Variants in ANKRD24 observed in about 807,000 individuals in gnomAD.
ANKRD24 encodes ankyrin repeat domain-containing protein 24.
Under a neutral mutation model 127.8 loss-of-function variants are expected in ANKRD24, and 109 were observed. The ratio of observed to expected loss-of-function variants is 0.85; its 90% confidence interval spans 0.73 to 1.00. The LOEUF (loss-of-function observed/expected upper bound fraction) is 1.00, where lower values mean the gene tolerates loss of function less well. Among genes scored for constraint, ANKRD24 ranks in the 50% least tolerant of loss-of-function variants. ANKRD24 has a pLI of 0.00. For missense variants in ANKRD24, 1,648 were observed against 1,570.2 expected, an observed-to-expected ratio of 1.05 and a Z score of -0.84; for synonymous variants, 743 against 671.1, an observed-to-expected ratio of 1.11 and a Z score of -1.66.
chr19:4,209,701 C>T (rs1969597364), intron 11 of ANKRD24, among the ~76,000 whole-genome samples: 1 of 152,130 alleles, frequency 6.6e-6, no homozygotes, highest in African/African-American at 2.4e-5. Context: ...GATCACCCAC[C>T]TTGGCCTCCC....
At chr19:4,220,604 G>T (rs1249065316) in intron 19 of ANKRD24, among the ~76,000 whole-genome samples, 1 of 152,096 alleles carries the variant, frequency 6.6e-6, no homozygotes, top group Non-Finnish European at 1.5e-5. Context: ...ACCCAGACTG[G>T]AGTGCAGTGG....
At chr19:4,191,324 C>T (rs924756863) in intron 2 of ANKRD24, among the ~76,000 whole-genome samples, 1 of 151,578 alleles carries the variant, frequency 6.6e-6, no homozygotes, top group Admixed American at 6.6e-5. Context: ...CAGGCCCCCC[C>T]CTCCTGTCAC....
At chr19:4,184,364 G>C (rs1365830119) in intron 1 of ANKRD24, among the ~76,000 whole-genome samples, 1 of 152,212 alleles carries the variant, frequency 6.6e-6, no homozygotes, top group African/African-American at 2.4e-5. Context: ...TATGGCCCCA[G>C]GCCCCTGAGC....
chr19:4,188,576 G>C (rs11085062), intron 2 of ANKRD24, among the ~76,000 whole-genome samples: 73,301 of 151,454 alleles, frequency 0.48, 17,737 homozygotes, highest in East Asian at 0.6. Flanking sequence ...CAGATGGGGT[G>C]TAGCTGTGTT....
chr19:4,216,773 A>T lies in ANKRD24; in HGVS notation c.1613A>T (p.Lys538Ile). 1 of 1,594,150 alleles carries T rather than the reference A, an allele frequency of 6.3e-7. No homozygotes were observed. Among genetic ancestry groups the T allele is most frequent in the East Asian group, 2.3e-5 (1 of 43,812 alleles). Residue 538 changes from lysine to isoleucine, a missense_variant, in exon 18 of 22, where the codon AAA becomes ATA. Lys to Ile is a moderately radical substitution (Grantham distance 102, BLOSUM62 -3). Transcript: ENST00000318934. ...GAGGTTGCTGGAGCCACGGCCACCA[A>T]AAACGGGCCAACCCACATGGAGCTA... Reference protein sequence around the residue: ...ESEVAGATATKNGPTHMELNG... With the variant: ...ESEVAGATATINGPTHMELNG...
chr19:4,207,532 A>T lies in ANKRD24; in HGVS notation c.569A>T (p.Gln190Leu), dbSNP rs750585495. Residue 190 changes from glutamine (Q) to leucine (L), a missense_variant, in exon 9 of 22, where the codon CAG becomes CTG. Physicochemically the swap from Gln to Leu is moderately radical, Grantham distance 113. Coordinates refer to ENST00000318934, the MANE Select transcript of ANKRD24 (RefSeq NM_001393985.1). ...SGATPLIIAAQMCHTDLCRLL... is the reference protein window; with the variant it reads ...SGATPLIIAALMCHTDLCRLL... ...GCAACACCCCTCATTATAGCAGCTCAGATGTGTCACACAGACCTGTGCCGT... is the reference window on the plus strand; with the variant it reads ...GCAACACCCCTCATTATAGCAGCTCTGATGTGTCACACAGACCTGTGCCGT... The T allele has an allele frequency of 7.4e-6, 12 of 1,613,812 alleles. No homozygotes were observed. In the African/African-American group the frequency reaches 1.5e-4, roughly 20 times the overall value.
Position 4,210,053 on chromosome 19 carries a change from C to T in ANKRD24, c.871-5C>T, listed in dbSNP as rs769839869. The T allele has an allele frequency of 1.9e-6, 3 of 1,607,958 alleles. No homozygotes were observed. Among genetic ancestry groups the T allele is most frequent in the Non-Finnish European group, 2.5e-6 (3 of 1,177,024 alleles). On this transcript the variant is annotated splice_polypyrimidine_tract_variant and splice_region_variant and intron_variant, in intron 11 of 21. Transcript: ENST00000318934. Reference sequence around the variant, plus strand: ...CCCTTCACTCTCTCTCCCCTCCCTTCCCAGAACTCTATGTCCAGCCATGGA... The same window carrying T: ...CCCTTCACTCTCTCTCCCCTCCCTTTCCAGAACTCTATGTCCAGCCATGGA...
In ANKRD24 at chr19:4,200,072, C is replaced by T. The variant is rs900322134; in HGVS notation, c.255-11C>T. 1 of 1,577,612 alleles carries T rather than the reference C, an allele frequency of 6.3e-7. No homozygotes were observed. On this transcript the variant is annotated splice_polypyrimidine_tract_variant and intron_variant, in intron 4 of 21. Transcript: ENST00000318934. The stretch of plus-strand genomic sequence containing the variant: ...CAACCTTGCGGCTGAACCCTTGTCT[C>T]TCACCTCCAGGTTCCACCTGGCGGC...
At chr19:4,187,924 G>A (rs560134906) in intron 2 of ANKRD24, among the ~76,000 whole-genome samples, 2 of 152,290 alleles carry the variant, frequency 1.3e-5, no homozygotes, top group South Asian at 4.1e-4. Context: ...TTCGGAGGCT[G>A]GACCAGGTCT....
intron 2 of ANKRD24, among the ~76,000 whole-genome samples, chr19:4,190,028 G>A (rs1158461163): frequency 1.3e-5 from 2 of 152,122 alleles, no homozygotes; most frequent in African/African-American, 4.8e-5. Flanking sequence ...TGTGGCATTG[G>A]GTGAGCTTCA....
intron 20 of ANKRD24, among the ~76,000 whole-genome samples, chr19:4,223,497 T>A (rs1383933935): frequency 6.7e-6 from 1 of 148,212 alleles, no homozygotes; most frequent in Non-Finnish European, 1.5e-5. Flanking sequence ...GCCTCCCGGC[T>A]CCCGGGTTCA....
At chr19:4,220,047 C>A (rs1181427106) in intron 19 of ANKRD24, among the ~76,000 whole-genome samples, 1 of 152,126 alleles carries the variant, frequency 6.6e-6, no homozygotes, top group South Asian at 2.1e-4. Flanking sequence ...GGCATGATCT[C>A]GGCTCACTGC....
chr19:4,208,364 C>T (rs186084613), intron 10 of ANKRD24, among the ~76,000 whole-genome samples: 100 of 152,254 alleles, frequency 6.6e-4, no homozygotes, highest in South Asian at 3.9e-3. Context: ...ATTAGCTAGA[C>T]GTGGTTCAAG....
chr19:4,196,712 G>T (rs957663058), intron 2 of ANKRD24, among the ~76,000 whole-genome samples: 2 of 152,202 alleles, frequency 1.3e-5, no homozygotes, highest in African/African-American at 2.4e-5. Flanking sequence ...ACCTGCAAGG[G>T]TCTTGGCTGT....
chr19:4,224,578 A>G lies in ANKRD24; in HGVS notation c.*73A>G. On this transcript the variant is annotated 3_prime_UTR_variant, in exon 22 of 22. Transcript: ENST00000318934. ...TCACCCCCCTGCAGGCCCCTTGCAG[A>G]CCGGCTTCACTTGGCTTCACTTGGC... is the stretch of plus-strand genomic sequence containing the variant. 7.0e-7 allele frequency: 1 copy of G among 1,418,572 alleles called. No individual in the cohort carries two copies. Among genetic ancestry groups the G allele is most frequent in the Non-Finnish European group, 9.7e-7 (1 of 1,028,928 alleles). The allele number at this position is 1,418,572 out of a possible 1,614,324, so 87.9% of individuals were successfully genotyped here. A position where few individuals can be genotyped will look rare whatever the true frequency, so the allele number is the denominator to read the frequency against.
chr19:4,222,660 G>A lies in ANKRD24; in HGVS notation c.3172-10G>A, dbSNP rs13344546. The A allele has an allele frequency of 1.4e-5, 23 of 1,595,146 alleles. No individual in the cohort carries two copies. In the African/African-American group the frequency reaches 2.7e-4, roughly 19 times the overall value. ...CTTAGGGTGATCGCTGACAGCACCT[G>A]CACCCTCAGATCACAGAACTCTCCA... On this transcript the variant is annotated splice_polypyrimidine_tract_variant and intron_variant, in intron 19 of 21. Transcript: ENST00000318934.
chr19:4,216,317 C>G lies in ANKRD24; in HGVS notation c.1304C>G (p.Pro435Arg). The G allele has an allele frequency of 6.4e-7, 1 of 1,560,968 alleles. No homozygotes were observed. The highest frequency in any genetic ancestry group is 8.7e-7 in the Non-Finnish European group (1 of 1,152,590). The part of the protein sequence containing the change: ...AEVLLSRQLS[P>R]SAQEHLASLQ... ...GTGCTGCTGTCCAGACAACTCAGTCCGTCGGCCCAGGAACACCTGGCCTCG... is the reference window on the plus strand; with the variant it reads ...GTGCTGCTGTCCAGACAACTCAGTCGGTCGGCCCAGGAACACCTGGCCTCG... Residue 435 changes from proline (P) to arginine (R), a missense_variant, in exon 17 of 22, where the codon CCG becomes CGG. Pro to Arg is a moderately radical substitution (Grantham distance 103, BLOSUM62 -2). Coordinates refer to ENST00000318934, the MANE Select transcript of ANKRD24 (RefSeq NM_001393985.1).
At position 4,199,535 on chromosome 19, in the gene ANKRD24, G is replaced by A; in HGVS notation, c.37-148G>A. The A allele has an allele frequency of 7.0e-7, 1 of 1,418,552 alleles. No individual in the cohort carries two copies. Among genetic ancestry groups the A allele is most frequent in the Non-Finnish European group, 9.2e-7 (1 of 1,090,838 alleles). 87.9% of individuals were successfully genotyped at this position (1,418,552 alleles called of 1,614,324 possible). A position where few individuals can be genotyped will look rare whatever the true frequency, so the allele number is the denominator to read the frequency against. ...CCCAGGGGACAACGTTTTGGAAATAGATGCCAGGGGGCTGCTCAGGGGATG... is the reference window on the plus strand; with the variant it reads ...CCCAGGGGACAACGTTTTGGAAATAAATGCCAGGGGGCTGCTCAGGGGATG... On this transcript the variant is annotated intron_variant, in intron 2 of 21. Transcript: ENST00000318934. The surrounding 1 kb of genome is among the most constrained non-coding windows in gnomAD (Gnocchi z 5.2).
intron 1 of ANKRD24, chr19:4,183,294 T>A (rs1392780201): frequency 2.0e-6 from 2 of 986,122 alleles, no homozygotes; most frequent in Non-Finnish European, 2.4e-6. Flanking sequence ...TATCTGAGTA[T>A]CATCCAACTG....
Sources: allele counts gnomAD v4.1 joint callset (sites outside exome capture counted in the v4.1 genomes callset), GRCh38; gene constraint gnomAD v4.1.1; non-coding constraint Gnocchi (gnomAD v3.1); transcripts MANE v1.5; gene names NCBI Gene and HGNC (gene_info 2026-07-23, HGNC 2026-07-21).